SUGCT: variants seen among roughly 807,000 people sequenced by gnomAD.
The protein encoded by SUGCT is succinyl-CoA:glutarate CoA-transferase.
Under a neutral mutation model 55.0 loss-of-function variants are expected in SUGCT, and 41 were observed. The ratio of observed to expected loss-of-function variants is 0.74; its 90% CI spans 0.58 to 0.97. The LOEUF is 0.97. Among genes scored for constraint, SUGCT ranks in the 50% least tolerant of loss-of-function variants. The pLI, the probability that SUGCT is intolerant of heterozygous loss-of-function variation, is 0.00. For missense variants in SUGCT, 568 were observed against 547.8 expected (o/e 1.04, Z -0.37); for synonymous variants, 187 against 200.4 (o/e 0.93, Z 0.56).
the SUGCT span, among the ~76,000 whole-genome samples, chr7:40,875,609 C>T: frequency 1.3e-5 from 2 of 152,192 alleles, no homozygotes. Context: ...ATTTCAAGAC[C>T]TTTGAGGCAA....
In SUGCT at chr7:40,162,134, G is replaced by C. The variant is rs373582631; in HGVS notation, c.101-18813G>C. On this transcript the variant is annotated intron_variant, in intron 1 of 13. Transcript: ENST00000335693. ...GATGGTCTCGATCTCCTGACCTCGT[G>C]ATCCGCCCGCCTCGGCCTCCCAAAG... 2.7e-3 allele frequency among the ~76,000 whole-genome samples: 405 copies of C among 152,216 alleles called. 2 individuals are homozygous for C. The highest frequency in any genetic ancestry group is 9.3e-3 in the African/African-American group (387 of 41,540).
At chr7:40,415,673 G>A (rs184431306) in intron 9 of SUGCT, among the ~76,000 whole-genome samples, 5 of 151,992 alleles carry the variant, frequency 3.3e-5, no homozygotes, top group African/African-American at 1.2e-4. Flanking sequence ...CCACTCATAT[G>A]AAACATGATG....
At chr7:40,709,635 G>A (rs1584314917) in intron 12 of SUGCT, among the ~76,000 whole-genome samples, 3 of 152,286 alleles carry the variant, frequency 2.0e-5, no homozygotes, top group South Asian at 2.1e-4. Context: ...AGGTGTAAAC[G>A]TTTCCTCAGC....
At chr7:40,629,761 C>A (rs371541341) in intron 12 of SUGCT, among the ~76,000 whole-genome samples, 1 of 152,004 alleles carries the variant, frequency 6.6e-6, no homozygotes, top group Admixed American at 6.6e-5. Context: ...ATGTTTTATC[C>A]GTATGTAAAT....
chr7:40,224,992 T>C (rs1377965680), intron 6 of SUGCT, among the ~76,000 whole-genome samples: 1 of 152,206 alleles, frequency 6.6e-6, no homozygotes, highest in Admixed American at 6.5e-5. Flanking sequence ...TGGGGTACCA[T>C]GAGGGAACAA....
downstream of SUGCT, among the ~76,000 whole-genome samples, chr7:40,864,079 C>T (rs975029070): frequency 2.0e-5 from 3 of 152,280 alleles, no homozygotes; most frequent in Admixed American, 6.5e-5. Flanking sequence ...TTAAATGTTT[C>T]ATGAATTACT....
chr7:40,328,287 A>C lies in SUGCT; in HGVS notation c.816+11432A>C, dbSNP rs112370854. Among the ~76,000 whole-genome samples, 201 of 152,330 alleles carry C rather than the reference A, an allele frequency of 1.3e-3. No homozygotes were observed. In the Middle Eastern group the frequency reaches 0.017, roughly 13 times the overall value. On this transcript the variant is annotated intron_variant, in intron 9 of 13. Transcript: ENST00000335693. ...AAATCCTTTGGTCGCATATGCTAAA[A>C]TGGTATTAGGTTCATAAGTAAGTGA...
At chr7:40,763,839 G>A (rs760747792) in intron 13 of SUGCT, among the ~76,000 whole-genome samples, 4 of 152,108 alleles carry the variant, frequency 2.6e-5, no homozygotes, top group Non-Finnish European at 5.9e-5. Flanking sequence ...AAACAGAAAC[G>A]ATTCCTCCTT....
chr7:40,834,139 A>G (rs774312889), intron 13 of SUGCT, among the ~76,000 whole-genome samples: 8 of 152,070 alleles, frequency 5.3e-5, no homozygotes, highest in Non-Finnish European at 1.2e-4. Flanking sequence ...AGGAGATTCA[A>G]TAAAAGCTGG....
chr7:40,464,808 T>A (rs1790011943), intron 11 of SUGCT, among the ~76,000 whole-genome samples: 1 of 152,254 alleles, frequency 6.6e-6, no homozygotes. Context: ...GTTGCGATGT[T>A]GTGCAGCAGT....
chr7:40,434,830 A>G (rs1388902684), intron 9 of SUGCT, among the ~76,000 whole-genome samples: 2 of 152,102 alleles, frequency 1.3e-5, no homozygotes, highest in Non-Finnish European at 2.9e-5. Context: ...TCAGTTATAA[A>G]TGTCTATACA....
intron 12 of SUGCT, among the ~76,000 whole-genome samples, chr7:40,600,630 G>A (rs747048929): frequency 1.3e-5 from 2 of 152,006 alleles, no homozygotes; most frequent in Non-Finnish European, 2.9e-5. Flanking sequence ...CCTTTGGGAA[G>A]TAGAAATCAT....
chr7:40,496,363 A>G lies in SUGCT; in HGVS notation c.1066A>G (p.Lys356Glu). 1 of 1,612,502 alleles carries G rather than the reference A, an allele frequency of 6.2e-7. No individual in the cohort carries two copies. Among genetic ancestry groups the G allele is most frequent in the Non-Finnish European group, 8.5e-7 (1 of 1,178,986 alleles). Residue 356 changes from lysine (K) to glutamate (E), a missense_variant, in exon 12 of 14, where the codon AAG becomes GAG. By Grantham distance (56) the Lys-to-Glu change is moderately conservative. Coordinates refer to ENST00000335693, the MANE Select transcript of SUGCT (RefSeq NM_001193313.2). ...GVPYGPINNM[K>E]NVFAEPQVLH... ...CCCGTATGGCCCAATCAACAACATG[A>G]AGAATGTATTTGCAGAACCTCAGGT...
At chr7:40,591,954 A>G (rs191345739) in intron 12 of SUGCT, among the ~76,000 whole-genome samples, 213 of 152,306 alleles carry the variant, frequency 1.4e-3, no homozygotes, top group Non-Finnish European at 2.4e-3. Context: ...CTTTATTACA[A>G]TACTTGCTTT....
chr7:40,898,496 G>GGGGGGGGGGGGGGGGGGGGT, the SUGCT span, among the ~76,000 whole-genome samples: 2 of 101,870 alleles, frequency 2.0e-5, 1 homozygote. Flanking sequence ...GGGGGGGGGG[G>GGGGGGGGGGGGGGGGGGGGT]GTGGATCACG....
At chr7:40,198,632 G>A (rs1039646213) in intron 6 of SUGCT, among the ~76,000 whole-genome samples, 3 of 142,688 alleles carry the variant, frequency 2.1e-5, no homozygotes, top group Admixed American at 1.3e-4. Context: ...AGGCCGAGGC[G>A]GGCGGATCAC....
intron 12 of SUGCT, among the ~76,000 whole-genome samples, chr7:40,503,029 G>C (rs899106255): frequency 6.6e-6 from 1 of 152,006 alleles, no homozygotes; most frequent in African/African-American, 2.4e-5. Flanking sequence ...GATTTCTATA[G>C]TAACAAAATG....
In SUGCT at chr7:40,763,804, G is replaced by A. The variant is rs528751064; in HGVS notation, c.1153+14307G>A. Among the ~76,000 whole-genome samples the A allele has an allele frequency of 1.6e-4, 24 of 152,182 alleles. No individual in the cohort carries two copies. The South Asian group carries it at 2.1e-3, about 13-fold the overall frequency. On this transcript the variant is annotated intron_variant, in intron 13 of 13. Transcript: ENST00000335693. The stretch of plus-strand genomic sequence containing the variant: ...TTTGTGTTATTTCTTCCCTTCACTC[G>A]TGGAGTTAGGATCTATTTTCACATA...
chr7:40,149,691 G>C (rs1788448869), intron 1 of SUGCT, among the ~76,000 whole-genome samples: 1 of 152,176 alleles, frequency 6.6e-6, no homozygotes, highest in African/African-American at 2.4e-5. Flanking sequence ...GCCGAGGCAG[G>C]TGGATCACCT....
Sources: allele counts gnomAD v4.1 joint callset (sites outside exome capture counted in the v4.1 genomes callset), GRCh38; gene constraint gnomAD v4.1.1; transcripts MANE v1.5; gene names NCBI Gene and HGNC (gene_info 2026-07-23, HGNC 2026-07-21).